RBFOX1: variants seen among roughly 807,000 people sequenced by gnomAD.
RBFOX1 encodes RNA binding protein fox-1 homolog 1.
In RBFOX1, 8 loss-of-function variants were observed where a neutral mutation model predicts 57.7. The observed-to-expected ratio is 0.14, with a 90% CI of 0.08 to 0.25. The LOEUF is 0.25. Ranked by LOEUF, RBFOX1 falls within the 10% of genes least tolerant of loss-of-function variation. The probability of loss-of-function intolerance (pLI) is 1.00; values close to 1 mark genes in which losing one functional copy is unlikely to be tolerated. For missense variants in RBFOX1, 611 were observed against 548.5 expected (o/e 1.11, Z -1.14); for synonymous variants, 326 against 222.4 (o/e 1.47, Z -4.15).
chr16:5,596,007 T>C (rs2047168593), intron 2 of RBFOX1, among the ~76,000 whole-genome samples: 1 of 152,094 alleles, frequency 6.6e-6, no homozygotes, highest in Admixed American at 6.5e-5. Context: ...CCTGTGCTCC[T>C]GATGAAAATG....
chr16:5,439,551 G>A lies in RBFOX1; in HGVS notation c.220-27665G>A, dbSNP rs1470745295. ...CTCGTAGGTAGAACCGGGGAGACTTGTTTGTGAACTGGGCATGAGGAATGA... is the reference window on the plus strand; with the variant it reads ...CTCGTAGGTAGAACCGGGGAGACTTATTTGTGAACTGGGCATGAGGAATGA... On this transcript the variant is annotated intron_variant, in intron 1 of 2. Transcript: ENST00000585867. Among the ~76,000 whole-genome samples, 4 of 152,046 alleles carry A rather than the reference G, an allele frequency of 2.6e-5. No individual in the cohort carries two copies. In the South Asian group the frequency reaches 6.2e-4, roughly 24 times the overall value.
At chr16:7,407,546 A>G (rs2098366553) in intron 4 of RBFOX1, among the ~76,000 whole-genome samples, 1 of 152,084 alleles carries the variant, frequency 6.6e-6, no homozygotes, top group Non-Finnish European at 1.5e-5. Flanking sequence ...GTGGGGTGGT[A>G]GGGGCACAGT....
chr16:7,133,524 A>G (rs71374930), intron 4 of RBFOX1, among the ~76,000 whole-genome samples: 1 of 152,196 alleles, frequency 6.6e-6, no homozygotes, highest in Non-Finnish European at 1.5e-5. Context: ...AGAATCAATG[A>G]CAAGACAAGG....
chr16:6,821,663 C>A (rs997553657), intron 3 of RBFOX1, among the ~76,000 whole-genome samples: 1 of 152,170 alleles, frequency 6.6e-6, no homozygotes, highest in African/African-American at 2.4e-5. Flanking sequence ...CATCTGACTT[C>A]TTTCAGCATA....
intron 4 of RBFOX1, among the ~76,000 whole-genome samples, chr16:7,058,612 T>A (rs1598366604): frequency 6.6e-6 from 1 of 152,026 alleles, no homozygotes; most frequent in African/African-American, 2.4e-5. Flanking sequence ...GTCTTCGTGT[T>A]TGTATTTTTG....
chr16:7,243,299 A>G, intron 4 of RBFOX1, among the ~76,000 whole-genome samples: 1 of 152,186 alleles, frequency 6.6e-6, no homozygotes, highest in East Asian at 1.9e-4. Context: ...GCCACGTGAC[A>G]GCTGTGTGAC....
At chr16:5,499,576 T>A (rs552661706) in intron 2 of RBFOX1, among the ~76,000 whole-genome samples, 66 of 152,190 alleles carry the variant, frequency 4.3e-4, no homozygotes, top group South Asian at 1.9e-3. Flanking sequence ...CCTTTTTTTT[T>A]AAATTTTTTT....
intron 4 of RBFOX1, among the ~76,000 whole-genome samples, chr16:7,443,939 C>A (rs2098789451): frequency 6.6e-6 from 1 of 152,208 alleles, no homozygotes; most frequent in Non-Finnish European, 1.5e-5. Context: ...TGAGGCATTC[C>A]TTTCTCTGGG....
chr16:7,342,773 A>G (rs931760364), intron 4 of RBFOX1, among the ~76,000 whole-genome samples: 2 of 152,064 alleles, frequency 1.3e-5, no homozygotes, highest in Admixed American at 6.5e-5. Flanking sequence ...TCCTCTTTCC[A>G]CATGGCTGGT....
chr16:5,707,001 G>C (rs377422166), intron 3 of RBFOX1, among the ~76,000 whole-genome samples: 64 of 152,256 alleles, frequency 4.2e-4, no homozygotes, highest in African/African-American at 1.3e-3. Flanking sequence ...GCAATTATTT[G>C]TCTGAATGCT....
intron 4 of RBFOX1, among the ~76,000 whole-genome samples, chr16:7,211,021 CTGTA>C (rs983621806): frequency 6.6e-6 from 1 of 150,928 alleles, no homozygotes; most frequent in African/African-American, 2.4e-5. Context: ...TCACTTCACT[CTGTA>C]TGTGGAAGTC....
intron 2 of RBFOX1, among the ~76,000 whole-genome samples, chr16:6,450,778 T>TAC (rs1437960418): frequency 0.011 from 579 of 52,312 alleles, 80 homozygotes; most frequent in African/African-American, 0.049. Context: ...TATATATATA[T>TAC]ATATATATAT....
chr16:6,834,859 T>A (rs1014483574), intron 3 of RBFOX1, among the ~76,000 whole-genome samples: 1 of 151,806 alleles, frequency 6.6e-6, no homozygotes. Context: ...AAGTTCATTT[T>A]GGCCAATTAA....
At chr16:7,488,818 C>T (rs751800309) in intron 4 of RBFOX1, among the ~76,000 whole-genome samples, 1 of 152,194 alleles carries the variant, frequency 6.6e-6, no homozygotes, top group Admixed American at 6.5e-5. Flanking sequence ...ATCCATCCAT[C>T]TATCCATCTA....
At chr16:7,093,591 T>C (rs2061218083) in intron 4 of RBFOX1, among the ~76,000 whole-genome samples, 1 of 152,168 alleles carries the variant, frequency 6.6e-6, no homozygotes, top group South Asian at 2.1e-4. Flanking sequence ...TTCTCGTTGA[T>C]TAGAGGGAAA....
At chr16:7,311,715 T>A (rs1178504721) in intron 4 of RBFOX1, among the ~76,000 whole-genome samples, 2 of 152,276 alleles carry the variant, frequency 1.3e-5, no homozygotes, top group South Asian at 2.1e-4. Flanking sequence ...AGTAGCCAGC[T>A]GTCCATCTCA....
intron 1 of RBFOX1, among the ~76,000 whole-genome samples, chr16:6,217,801 G>C (rs1031034570): frequency 6.6e-6 from 1 of 152,170 alleles, no homozygotes; most frequent in Admixed American, 6.5e-5. Flanking sequence ...GATCACTTGA[G>C]ACCAAGGGTT....
intron 2 of RBFOX1, among the ~76,000 whole-genome samples, chr16:5,474,872 A>G (rs549903344): frequency 6.6e-6 from 1 of 152,242 alleles, no homozygotes; most frequent in Non-Finnish European, 1.5e-5. Context: ...TTTGACTCAC[A>G]AAGGCTATTT....
At chr16:5,543,310 A>G (rs2045043967) in intron 2 of RBFOX1, among the ~76,000 whole-genome samples, 1 of 152,206 alleles carries the variant, frequency 6.6e-6, no homozygotes, top group Non-Finnish European at 1.5e-5. Context: ...ACGTGTTTAA[A>G]AAATTAAACA....
Sources: allele counts gnomAD v4.1 joint callset (sites outside exome capture counted in the v4.1 genomes callset), GRCh38; gene constraint gnomAD v4.1.1; transcripts MANE v1.5; gene names NCBI Gene and HGNC (gene_info 2026-07-23, HGNC 2026-07-21).